Variants in CPNE7 observed in about 807,000 individuals in gnomAD.
The protein encoded by CPNE7 is copine 7.
CPNE7 carries 78 observed loss-of-function variants against 66.5 expected under a neutral mutation model. The ratio of observed to expected loss-of-function variants is 1.17; its 90% CI spans 0.98 to 1.42. CPNE7 has a LOEUF of 1.42. CPNE7 is among the 40% of genes most tolerant of loss of function. The pLI, the probability that CPNE7 is intolerant of heterozygous loss-of-function variation, is 0.00. For synonymous variants in CPNE7, 468 were observed against 336.7 expected, an observed-to-expected ratio of 1.39 and a Z score of -4.27; for missense variants, 1,012 against 776.6, an observed-to-expected ratio of 1.30 and a Z score of -3.60.
chr16:89,593,514 G>C (rs887440840), intron 13 of CPNE7, among the ~76,000 whole-genome samples: 1 of 150,908 alleles, frequency 6.6e-6, no homozygotes, highest in East Asian at 2.5e-4. Context: ...CACCACGCCC[G>C]GCTAATTTTT....
intron 9 of CPNE7, 108 bp downstream of exon 9, chr16:89,587,210 C>T: frequency 8.8e-6 from 4 of 452,362 alleles, no homozygotes; most frequent in East Asian, 7.7e-5. Context: ...GTCTGTGGCC[C>T]CGCCCATCCC....
At chr16:89,577,835 T>C (rs2058884780) in intron 2 of CPNE7, 114 bp downstream of exon 2, 1 of 903,752 alleles carries the variant, frequency 1.1e-6, no homozygotes, top group African/African-American at 1.7e-5. Context: ...AACCTGGCTC[T>C]GCCCCCTCCT....
At chr16:89,595,030 G>A (rs1378048616) in intron 13 of CPNE7, among the ~76,000 whole-genome samples, 1 of 152,058 alleles carries the variant, frequency 6.6e-6, no homozygotes, top group African/African-American at 2.4e-5. Context: ...TCTGGCTCCT[G>A]GGATCGCAGA....
chr16:89,578,052 C>CT (rs992402318), intron 2 of CPNE7, among the ~76,000 whole-genome samples: 1 of 140,040 alleles, frequency 7.1e-6, no homozygotes, highest in African/African-American at 2.6e-5. Flanking sequence ...CCTCTTTTTT[C>CT]TTTTTTTTCT....
intron 13 of CPNE7, among the ~76,000 whole-genome samples, chr16:89,591,611 G>A (rs1000605299): frequency 3.9e-5 from 6 of 152,162 alleles, no homozygotes; most frequent in African/African-American, 1.4e-4. Context: ...CAAATGATAC[G>A]GTGCCGAGAA....
rs541600607 is a variant in CPNE7, at chr16:89,588,953, C to T, written c.1061+145C>T. ...GGTTTTCCCTCACCCCCCTGGGCTC[C>T]AGGTCAGGCCTCGGGGCACCATGAG... On this transcript the variant is annotated intron_variant, in intron 10 of 14. Coordinates refer to ENST00000319518, the MANE Select transcript of CPNE7 (RefSeq NM_153636.3). The T allele has an allele frequency of 6.3e-6, 6 of 947,958 alleles. No individual in the cohort carries two copies. In the East Asian group the frequency reaches 1.3e-4, roughly 21 times the overall value. The allele number at this position is 947,958 out of a possible 1,614,324, so 58.7% of individuals were successfully genotyped here. A position where few individuals can be genotyped will look rare whatever the true frequency, so the allele number is the denominator to read the frequency against.
chr16:89,596,531 G>C lies in CPNE7; in HGVS notation c.1587G>C (p.Lys529Asn), dbSNP rs1453060547. 1 of 1,610,140 alleles carries C rather than the reference G, an allele frequency of 6.2e-7. No individual in the cohort carries two copies. The highest frequency in any genetic ancestry group is 2.2e-5 in the East Asian group (1 of 44,878). Residue 529 changes from lysine to asparagine, a missense_variant, in exon 15 of 15, where the codon AAG becomes AAC. Transcript: ENST00000319518. ...AGTGCGTGCTGGCCGAGGTCCCGAA[G>C]CAGGTGGTGGAGTACTACAGCCACA... ...LAKCVLAEVP[K>N]QVVEYYSHRG...
chr16:89,586,551 C>T lies in CPNE7; in HGVS notation c.781-119C>T. On this transcript the variant is annotated intron_variant, in intron 7 of 14. Transcript: ENST00000319518. ...CTGCTGCCCTGCAGCAGTGCCCTCC[C>T]CTCCCCTCCCCACCACGGGGCCCTC... 7 of 766,076 alleles carry T rather than the reference C, an allele frequency of 9.1e-6. No individual in the cohort carries two copies. The South Asian group carries it at 9.6e-5, about 10-fold the overall frequency. 47.5% of individuals were successfully genotyped at this position (766,076 alleles called of 1,614,324 possible).
intron 13 of CPNE7, 63 bp from the exon 14 acceptor site, chr16:89,595,304 G>A: frequency 7.1e-7 from 1 of 1,402,604 alleles, no homozygotes; most frequent in Middle Eastern, 2.1e-4. Context: ...GGGCCCGTGG[G>A]TTGCAGGGCG....
At chr16:89,583,548 A>G in intron 2 of CPNE7, 149 bp from the exon 3 acceptor site, 1 of 1,583,474 alleles carries the variant, frequency 6.3e-7, no homozygotes, top group African/African-American at 1.3e-5. Flanking sequence ...AGCAGCCACA[A>G]AGGGGGCGCG....
chr16:89,584,865 G>T lies in CPNE7; in HGVS notation c.591+8G>T, dbSNP rs1409243248. The T allele has an allele frequency of 1.1e-5, 17 of 1,611,950 alleles. No homozygotes were observed. The Admixed American group carries it at 1.7e-4, about 16-fold the overall frequency. On this transcript the variant is annotated splice_region_variant and intron_variant, in intron 5 of 14. Coordinates refer to ENST00000319518, the MANE Select transcript of CPNE7 (RefSeq NM_153636.3). This position sits in a 1 kb window ranked among gnomAD's most constrained non-coding sequence, Gnocchi z 6.0. ...CTGGTGTACAGGACGGAGGTGAGCG[G>T]CCGGGGATGGGAACACAGGGAGGGG... is the stretch of plus-strand genomic sequence containing the variant.
In CPNE7 at chr16:89,577,600, TGGA is replaced by T; in HGVS notation, c.237_239del (p.Asp80del). On this transcript the variant is annotated inframe_deletion, in exon 2 of 15. Transcript: ENST00000319518. ...CCCGTGTTCTCCAAGGTCTTCACGG[TGGA>T]CTACTACTTCGAGGAGGTGCAGAGG... 1 of 1,557,996 alleles carries T rather than the reference TGGA, an allele frequency of 6.4e-7. No individual in the cohort carries two copies. Among genetic ancestry groups the T allele is most frequent in the Non-Finnish European group, 8.7e-7 (1 of 1,150,338 alleles).
At chr16:89,578,978 G>A (rs146051306) in intron 2 of CPNE7, 9 of 1,604,594 alleles carry the variant, frequency 5.6e-6, no homozygotes, top group Non-Finnish European at 7.7e-6. Context: ...GCCAGGACGG[G>A]TCCTTCTTTT....
At position 89,595,537 on chromosome 16, in the gene CPNE7, C is replaced by T. The variant is rs771557134; in HGVS notation, c.1473C>T (p.Arg491=). ...TGGACGGCGACGACGGCGTCCTGCG[C>T]TCCCCACGGGGTGAGCCCGCGCTCC... The part of the protein sequence containing the change: ...QVLDGDDGVL[R]SPRGEPALRD... The change falls in exon 14 of 15, where the codon CGC becomes CGT. Residue 491 remains arginine (R), a synonymous_variant. Coordinates refer to ENST00000319518, the MANE Select transcript of CPNE7 (RefSeq NM_153636.3). 5 of 1,612,480 alleles carry T rather than the reference C, an allele frequency of 3.1e-6. No individual in the cohort carries two copies. The highest frequency in any genetic ancestry group is 1.7e-5 in the Admixed American group (1 of 59,992).
At chr16:89,594,681 C>T (rs2059226185) in intron 13 of CPNE7, among the ~76,000 whole-genome samples, 2 of 107,310 alleles carry the variant, frequency 1.9e-5, no homozygotes, top group Non-Finnish European at 1.7e-5. Flanking sequence ...TGGAGACAGT[C>T]TCACTCTATC....
chr16:89,596,591 C>G lies in CPNE7; in HGVS notation c.1647C>G (p.Ala549=). 6.2e-7 allele frequency: 1 copy of G among 1,606,540 alleles called. No homozygotes were observed. Residue 549 remains alanine, a synonymous_variant, in exon 15 of 15, where the codon GCC becomes GCG. Coordinates refer to ENST00000319518, the MANE Select transcript of CPNE7 (RefSeq NM_153636.3). ...GLPPRSLGVP[A]GEASPGCTP is the part of the protein sequence containing the mutation. ...CCCCGAGAAGCCTGGGTGTCCCTGC[C>G]GGAGAGGCCAGCCCAGGCTGCACAC...
rs2059000850 is a variant in CPNE7, at chr16:89,584,236, G to T, written c.507+134G>T. ...CGTGTGCGGAGTGTGCCTGGGGCTG[G>T]GCGTGCTGCCGTCACGGTCGCCATC... is the stretch of plus-strand genomic sequence containing the variant. On this transcript the variant is annotated intron_variant, in intron 4 of 14. Coordinates refer to ENST00000319518, the MANE Select transcript of CPNE7 (RefSeq NM_153636.3). This position sits in a 1 kb window ranked among gnomAD's most constrained non-coding sequence, Gnocchi z 6.0. The T allele has an allele frequency of 1.1e-6, 1 of 870,696 alleles. No individual in the cohort carries two copies. Among genetic ancestry groups the T allele is most frequent in the South Asian group, 1.7e-5 (1 of 57,660 alleles). The allele number at this position is 870,696 out of a possible 1,614,324, so 53.9% of individuals were successfully genotyped here. A position where few individuals can be genotyped will look rare whatever the true frequency, so the allele number is the denominator to read the frequency against.
Position 89,596,692 on chromosome 16 carries a change from G to T in CPNE7, c.*71G>T. 6.9e-7 allele frequency: 1 copy of T among 1,451,600 alleles called. No individual in the cohort carries two copies. The highest frequency in any genetic ancestry group is 9.0e-7 in the Non-Finnish European group (1 of 1,105,472). The allele number at this position is 1,451,600 out of a possible 1,614,324, so 89.9% of individuals were successfully genotyped here. A position where few individuals can be genotyped will look rare whatever the true frequency, so the allele number is the denominator to read the frequency against. ...CAGCCTCTGTCTGCAACATGCTTGGGGTCCCTTAAGCTCCCTCCGACCTCC... is the reference window on the plus strand; with the variant it reads ...CAGCCTCTGTCTGCAACATGCTTGGTGTCCCTTAAGCTCCCTCCGACCTCC... On this transcript the variant is annotated 3_prime_UTR_variant, in exon 15 of 15. Transcript: ENST00000319518.
In CPNE7 at chr16:89,589,865, G is replaced by A. The variant is rs775574625; in HGVS notation, c.1062-32G>A. 3.7e-6 allele frequency: 6 copies of A among 1,612,698 alleles called. No individual in the cohort carries two copies. The African/African-American group carries it at 8.0e-5, about 22-fold the overall frequency. On this transcript the variant is annotated intron_variant, in intron 10 of 14. Transcript: ENST00000319518. ...CCCTGTTGCAGCCACAAGAGGTCAG[G>A]GCCTCCTGGTGACCTCCTGCCTCTC...
Sources: gnomAD v4.1 joint callset for allele counts (sites outside exome capture counted in the v4.1 genomes callset) on GRCh38, gnomAD v4.1.1 for gene constraint, Gnocchi (gnomAD v3.1) non-coding constraint, MANE v1.5 for transcripts, NCBI Gene and HGNC (gene_info 2026-07-23, HGNC 2026-07-21) for gene names.